The following LTBP1 variants were observed in gnomAD, a reference collection of about 807,000 sequenced individuals.
LTBP1 encodes the protein latent transforming growth factor beta binding protein 1, also known as latent-transforming growth factor beta-binding protein 1.
A neutral mutation model predicts 207.6 loss-of-function variants in LTBP1; 129 were observed. The ratio of observed to expected loss-of-function variants is 0.62; its 90% CI spans 0.54 to 0.72. LTBP1 has a LOEUF of 0.72. Among genes scored for constraint, LTBP1 ranks in the 30% least tolerant of loss-of-function variants. The pLI is 0.00. For synonymous variants in LTBP1, 963 were observed against 833.7 expected (o/e 1.16, Z -2.67); for missense variants, 2,281 against 2,217.2 (o/e 1.03, Z -0.58).
Position 33,041,451 on chromosome 2 carries a change from A to G in LTBP1, c.863+20245A>G, listed in dbSNP as rs141596285. 6.3e-3 allele frequency among the ~76,000 whole-genome samples: 957 copies of G among 152,056 alleles called. 10 individuals are homozygous for G. The highest frequency in any genetic ancestry group is 0.022 in the African/African-American group (902 of 41,500). On this transcript the variant is annotated intron_variant, in intron 3 of 33. Transcript: ENST00000404816. ...AGGTGCCCGCCACCATGCCCAGCTA[A>G]TTTTTGTATTTCAGTAGAGATAGGG...
intron 2 of LTBP1, among the ~76,000 whole-genome samples, chr2:33,010,085 G>A (rs571033983): frequency 6.6e-6 from 1 of 152,178 alleles, no homozygotes; most frequent in Admixed American, 6.5e-5. Flanking sequence ...GGCTGGCAGG[G>A]CGTGGTGGCT....
chr2:33,107,449 G>T (rs1034105812), intron 3 of LTBP1, among the ~76,000 whole-genome samples: 3 of 151,928 alleles, frequency 2.0e-5, no homozygotes, highest in Non-Finnish European at 4.4e-5. Flanking sequence ...ATTAAGCTGT[G>T]TAGAACAGGT....
chr2:33,065,682 T>C (rs570571670), intron 3 of LTBP1, among the ~76,000 whole-genome samples: 33 of 152,334 alleles, frequency 2.2e-4, no homozygotes, highest in African/African-American at 7.7e-4. Context: ...TATTGGTCTG[T>C]GAGGGTTTGG....
At chr2:33,060,513 G>A (rs886920393) in intron 3 of LTBP1, among the ~76,000 whole-genome samples, 1 of 151,470 alleles carries the variant, frequency 6.6e-6, no homozygotes, top group African/African-American at 2.4e-5. Flanking sequence ...AAATCATCTT[G>A]GGGGGTGTGT....
chr2:33,256,966 T>C lies in LTBP1; in HGVS notation c.2168-318T>C, dbSNP rs543999470. 3.3e-5 allele frequency among the ~76,000 whole-genome samples: 5 copies of C among 150,342 alleles called. No individual in the cohort carries two copies. The East Asian group carries it at 7.8e-4, about 23-fold the overall frequency. ...CTAATCCCTCATGGATACTGAGGAA[T>C]GACTATGTAAATAATATGATATATA... is the stretch of plus-strand genomic sequence containing the variant. On this transcript the variant is annotated intron_variant, in intron 11 of 33. Coordinates refer to ENST00000404816, the MANE Select transcript of LTBP1 (RefSeq NM_206943.4).
intron 4 of LTBP1, among the ~76,000 whole-genome samples, chr2:33,126,194 G>A (rs1192497928): frequency 6.6e-6 from 1 of 152,008 alleles, no homozygotes. Context: ...CTTTTATGAT[G>A]TAGTCTCTGA....
At chr2:33,214,343 G>A (rs1428702215) in intron 7 of LTBP1, among the ~76,000 whole-genome samples, 1 of 152,116 alleles carries the variant, frequency 6.6e-6, no homozygotes. Context: ...AGCTCAAGGA[G>A]TATGGAAACT....
chr2:32,993,588 G>C (rs189666401), intron 2 of LTBP1, among the ~76,000 whole-genome samples: 1 of 152,222 alleles, frequency 6.6e-6, no homozygotes, highest in Non-Finnish European at 1.5e-5. Flanking sequence ...TTACTGGGTA[G>C]TCACTAGGAG....
At chr2:32,984,469 G>A (rs941987292) in intron 2 of LTBP1, among the ~76,000 whole-genome samples, 5 of 152,290 alleles carry the variant, frequency 3.3e-5, no homozygotes, top group Non-Finnish European at 5.9e-5. Flanking sequence ...TAACTCAGCT[G>A]CACCTGTAGC....
intron 8 of LTBP1, among the ~76,000 whole-genome samples, chr2:33,220,627 C>T (rs1558836878): frequency 6.6e-6 from 1 of 152,250 alleles, no homozygotes; most frequent in Non-Finnish European, 1.5e-5. Context: ...TCTCTGCCTT[C>T]AAGTAGATGA....
chr2:33,397,937 G>A (rs2095374505), intron 33 of LTBP1, among the ~76,000 whole-genome samples: 1 of 152,090 alleles, frequency 6.6e-6, no homozygotes, highest in South Asian at 2.1e-4. Context: ...GTGAGTGAGA[G>A]CCTAAATGGG....
chr2:33,022,525 A>G (rs2075226538), intron 3 of LTBP1, among the ~76,000 whole-genome samples: 2 of 152,146 alleles, frequency 1.3e-5, no homozygotes, highest in South Asian at 4.1e-4. Flanking sequence ...AGGATCCTGT[A>G]AGGAAGGTAA....
At position 33,187,026 on chromosome 2, in the gene LTBP1, A is replaced by G. The variant is rs766577222; in HGVS notation, c.1372A>G (p.Ile458Val). ...QPGKALGTHV[I>V]HSTHTLPLTV... is the part of the protein sequence containing the mutation. The stretch of plus-strand genomic sequence containing the variant: ...AGGCAAGGCGTTGGGGACGCATGTC[A>G]TCCATTCAACACATACCTTGCCTCT... The change falls in exon 6 of 34, where the codon ATC (isoleucine) becomes GTC (valine). Residue 458 changes from isoleucine to valine, a missense_variant. Around this residue, in one of 3 missense-constraint regions of LTBP1, gnomAD observed 1,671 missense variants for 1,634.8 expected, o/e 1.02. Transcript: ENST00000404816. The G allele has an allele frequency of 3.1e-6, 5 of 1,614,076 alleles. No individual in the cohort carries two copies. The African/African-American group carries it at 6.7e-5, about 22-fold the overall frequency.
intron 31 of LTBP1, among the ~76,000 whole-genome samples, chr2:33,371,516 T>A (rs754354327): frequency 5.9e-5 from 9 of 151,906 alleles, no homozygotes; most frequent in Non-Finnish European, 8.8e-5. Flanking sequence ...GAAGACAGAG[T>A]GGTCATTGTT....
chr2:33,183,685 G>C (rs1287540875), intron 5 of LTBP1, among the ~76,000 whole-genome samples: 2 of 152,132 alleles, frequency 1.3e-5, no homozygotes, highest in African/African-American at 4.8e-5. Flanking sequence ...TTAAAGCTGG[G>C]CCTAGCTCCC....
rs754138759 is a variant in LTBP1 at position 33,252,740 on chromosome 2, A to G, written c.2063A>G (p.Gln688Arg). Residue 688 changes from glutamine to arginine, a missense_variant, in exon 11 of 34, where the codon CAG (glutamine) becomes CGG (arginine). Gln to Arg is a conservative substitution (Grantham distance 43). Coordinates refer to ENST00000404816, the MANE Select transcript of LTBP1 (RefSeq NM_206943.4). ...TACCGACTTGTCAGTTCTGGAAGAC[A>G]GTGTATGCACCCTCTGTCTGTTCAC... is the stretch of plus-strand genomic sequence containing the variant. Reference protein sequence around the residue: ...PCYRLVSSGRQCMHPLSVHLT... With the variant: ...PCYRLVSSGRRCMHPLSVHLT... 27 of 1,613,890 alleles carry G rather than the reference A, an allele frequency of 1.7e-5. No individual in the cohort carries two copies. Among genetic ancestry groups the G allele is most frequent in the African/African-American group, 2.7e-5 (2 of 74,938 alleles).
intron 24 of LTBP1, chr2:33,333,075 T>G (rs889620202): frequency 2.0e-5 from 3 of 152,194 alleles, no homozygotes; most frequent in Non-Finnish European, 2.9e-5. Flanking sequence ...TTATTCTAAG[T>G]GTAACTGAAA....
rs1231309630 is a variant in LTBP1 at position 33,039,301 on chromosome 2, A to G, written c.863+18095A>G. ...TACTCCAGTAGCATCTGACAGGAGA[A>G]AAAAAAAACACCAAAACCCATAATT... On this transcript the variant is annotated intron_variant, in intron 3 of 33. Transcript: ENST00000404816. Among the ~76,000 whole-genome samples the G allele has an allele frequency of 2.6e-5, 4 of 151,874 alleles. No homozygotes were observed. In the East Asian group the frequency reaches 7.7e-4, roughly 29 times the overall value.
At chr2:33,100,173 C>T (rs2079636700) in intron 3 of LTBP1, among the ~76,000 whole-genome samples, 1 of 152,182 alleles carries the variant, frequency 6.6e-6, no homozygotes, top group African/African-American at 2.4e-5. Flanking sequence ...CACTGGAGAG[C>T]ATAACGTGTT....
Sources: gnomAD v4.1 joint callset for allele counts (sites outside exome capture counted in the v4.1 genomes callset) on GRCh38, gnomAD v4.1.1 for gene constraint, gnomAD v4.1.1 regional missense constraint, MANE v1.5 for transcripts, NCBI Gene and HGNC (gene_info 2026-07-23, HGNC 2026-07-21) for gene names.